Variants in CAB39 observed in about 807,000 individuals in gnomAD.
CAB39 encodes the protein calcium binding protein 39.
CAB39 carries 8 observed loss-of-function variants against 40.0 expected under a neutral mutation model. That is an observed-to-expected ratio of 0.20 (90% CI 0.12 to 0.36). The LOEUF (loss-of-function observed/expected upper bound fraction) is 0.36, where lower values mean the gene tolerates loss of function less well. Ranked by LOEUF, CAB39 falls within the 10% of genes least tolerant of loss-of-function variation. The pLI is 1.00. For missense variants in CAB39, 270 were observed against 401.1 expected (o/e 0.67, Z 2.79); for synonymous variants, 156 against 141.6 (o/e 1.10, Z -0.72).
At chr2:230,765,881 A>G (rs1559602812) in intron 2 of CAB39, among the ~76,000 whole-genome samples, 1 of 152,200 alleles carries the variant, frequency 6.6e-6, no homozygotes, top group Non-Finnish European at 1.5e-5. Context: ...ATTGAACAAG[A>G]ATAGACATTT....
Position 230,818,815 on chromosome 2 carries a change from T to C in CAB39, c.*111T>C, listed in dbSNP as rs143740984. The C allele has an allele frequency of 1.1e-4, 97 of 864,826 alleles. No homozygotes were observed. The highest frequency in any genetic ancestry group is 1.7e-4 in the Non-Finnish European group (94 of 561,694). 53.6% of individuals were successfully genotyped at this position (864,826 alleles called of 1,614,324 possible). ...ACATTACTGCTAATCTGCTGTTAAG[T>C]GAACGGTTTTTCATTTTACCCTTTT... On this transcript the variant is annotated 3_prime_UTR_variant, in exon 9 of 9. Transcript: ENST00000258418.
At chr2:230,794,528 G>T (rs1420746946) in intron 4 of CAB39, among the ~76,000 whole-genome samples, 1 of 152,146 alleles carries the variant, frequency 6.6e-6, no homozygotes, top group Non-Finnish European at 1.5e-5. Flanking sequence ...TTTCACTTCA[G>T]AGTAATCAGA....
intron 2 of CAB39, among the ~76,000 whole-genome samples, chr2:230,778,073 A>G (rs1695624826): frequency 6.6e-6 from 1 of 152,256 alleles, no homozygotes; most frequent in African/African-American, 2.4e-5. Flanking sequence ...ACTATGAAAT[A>G]GAATCTTTTG....
Position 230,760,060 on chromosome 2 carries a change from A to AGG in CAB39, c.60_61dup (p.Glu21GlyfsTer31). 6.2e-7 allele frequency: 1 copy of AGG among 1,614,010 alleles called. No homozygotes were observed. The highest frequency in any genetic ancestry group is 8.5e-7 in the Non-Finnish European group (1 of 1,179,828). On this transcript the variant is annotated frameshift_variant, in exon 2 of 9. Coordinates refer to ENST00000258418, the MANE Select transcript of CAB39 (RefSeq NM_016289.4). LOFTEE classifies it high-confidence loss of function. ...CCAGCAGACATTGTGAAGAATCTGA[A>AGG]GGAGAGCATGGCTGTTCTGGAAAAG...
chr2:230,741,735 T>G (rs1167561938), intron 1 of CAB39, among the ~76,000 whole-genome samples: 5 of 152,204 alleles, frequency 3.3e-5, no homozygotes, highest in African/African-American at 1.2e-4. Context: ...AGAGCTATAA[T>G]TTTGAACAAT....
chr2:230,735,678 T>G (rs1261204254), intron 1 of CAB39, among the ~76,000 whole-genome samples: 1 of 151,482 alleles, frequency 6.6e-6, no homozygotes, highest in Non-Finnish European at 1.5e-5. Flanking sequence ...CACACTCAGC[T>G]AAGTTTTAAA....
intron 6 of CAB39, among the ~76,000 whole-genome samples, chr2:230,810,592 G>T (rs190827215): frequency 7.9e-5 from 12 of 152,206 alleles, no homozygotes; most frequent in Non-Finnish European, 1.5e-4. Flanking sequence ...AGTAAAGATA[G>T]TAGGAAAATT....
chr2:230,718,393 A>G (rs1275778922), intron 1 of CAB39, among the ~76,000 whole-genome samples: 1 of 152,230 alleles, frequency 6.6e-6, no homozygotes, highest in Non-Finnish European at 1.5e-5. Context: ...GGCACTAGGA[A>G]GAAATACTTG....
chr2:230,789,149 A>G (rs1468170894), intron 2 of CAB39, among the ~76,000 whole-genome samples: 2 of 152,144 alleles, frequency 1.3e-5, no homozygotes, highest in Admixed American at 6.5e-5. Context: ...TCTACTATCT[A>G]ATCTGCTGTT....
At chr2:230,725,857 A>G (rs1271444335) in intron 1 of CAB39, among the ~76,000 whole-genome samples, 2 of 152,228 alleles carry the variant, frequency 1.3e-5, no homozygotes, top group Non-Finnish European at 2.9e-5. Context: ...AGGAAAGTTA[A>G]AAGTACAGTT....
At chr2:230,721,467 A>G (rs1429644599) in intron 1 of CAB39, among the ~76,000 whole-genome samples, 1 of 152,212 alleles carries the variant, frequency 6.6e-6, no homozygotes, top group Non-Finnish European at 1.5e-5. Context: ...CTTAACAGAG[A>G]TGAAATACTT....
intron 2 of CAB39, among the ~76,000 whole-genome samples, chr2:230,786,163 C>CAAAAAAAAAA (rs369510604): frequency 4.1e-5 from 3 of 72,748 alleles, no homozygotes; most frequent in African/African-American, 1.3e-4. Flanking sequence ...GACTCTGTCT[C>CAAAAAAAAAA]AAAAAAAAAA....
At chr2:230,713,596 A>G (rs1358902202) in intron 1 of CAB39, 1 of 152,282 alleles carries the variant, frequency 6.6e-6, no homozygotes, top group African/African-American at 2.4e-5. Context: ...CACCGGCTGC[A>G]CCCGGGCTTC....
chr2:230,813,608 G>T (rs1318653987), intron 6 of CAB39, among the ~76,000 whole-genome samples: 1 of 152,070 alleles, frequency 6.6e-6, no homozygotes, highest in East Asian at 1.9e-4. Flanking sequence ...TTCTCTTTGT[G>T]GTTGTGCTTT....
intron 5 of CAB39, among the ~76,000 whole-genome samples, chr2:230,803,716 A>G (rs1298701205): frequency 6.6e-6 from 1 of 152,244 alleles, no homozygotes; most frequent in African/African-American, 2.4e-5. Flanking sequence ...GACCTCTTCA[A>G]GGAGAACTAC....
At chr2:230,813,261 ACT>A (rs777725914) in intron 6 of CAB39, among the ~76,000 whole-genome samples, 5 of 152,128 alleles carry the variant, frequency 3.3e-5, no homozygotes, top group African/African-American at 9.7e-5. Flanking sequence ...CGGTTTTGTA[ACT>A]CTGCTTTAAT....
At chr2:230,730,314 G>T (rs979895613) in intron 1 of CAB39, among the ~76,000 whole-genome samples, 1 of 152,006 alleles carries the variant, frequency 6.6e-6, no homozygotes, top group African/African-American at 2.4e-5. Flanking sequence ...TGTTGCCCAG[G>T]CTAGAGCAAA....
chr2:230,775,744 CATT>C (rs1333613666), intron 2 of CAB39, among the ~76,000 whole-genome samples: 1 of 152,140 alleles, frequency 6.6e-6, no homozygotes, highest in Non-Finnish European at 1.5e-5. Flanking sequence ...TTACTTGCAT[CATT>C]ATCTCTTGCA....
At chr2:230,744,327 T>C (rs1166468366) in intron 1 of CAB39, among the ~76,000 whole-genome samples, 1 of 152,130 alleles carries the variant, frequency 6.6e-6, no homozygotes, top group Non-Finnish European at 1.5e-5. Context: ...AAAGTCTTAC[T>C]CTGTTGCCCA....
Sources: gnomAD v4.1 joint callset for allele counts (sites outside exome capture counted in the v4.1 genomes callset) on GRCh38, gnomAD v4.1.1 for gene constraint, MANE v1.5 for transcripts, NCBI Gene and HGNC (gene_info 2026-07-23, HGNC 2026-07-21) for gene names.